The following CAPN8 variants were observed in gnomAD, a reference collection of about 807,000 sequenced individuals.
CAPN8 encodes calpain 8.
CAPN8 carries 87 observed loss-of-function variants against 80.9 expected under a neutral mutation model. The observed-to-expected ratio is 1.07, with a 90% CI of 0.90 to 1.28. The LOEUF (loss-of-function observed/expected upper bound fraction) is 1.28. CAPN8 is among the 50% of genes most tolerant of loss of function. CAPN8 has a pLI of 0.00. For synonymous variants in CAPN8, 299 were observed against 273.8 expected (o/e 1.09, Z -0.91); for missense variants, 757 against 702.0 (o/e 1.08, Z -0.89).
chr1:223,633,184 T>C (rs1657822248), intron 2 of CAPN8, among the ~76,000 whole-genome samples: 2 of 152,160 alleles, frequency 1.3e-5, no homozygotes, highest in Admixed American at 6.5e-5. Flanking sequence ...TTCTAACTGA[T>C]ATTAGAAGCA....
chr1:223,648,549 G>T (rs1658255362), intron 2 of CAPN8, among the ~76,000 whole-genome samples: 1 of 152,206 alleles, frequency 6.6e-6, no homozygotes, highest in Non-Finnish European at 1.5e-5. Context: ...GTGCATGCCA[G>T]GCCCCTGTTC....
intron 1 of CAPN8, among the ~76,000 whole-genome samples, chr1:223,665,063 G>A (rs534632821): frequency 3.3e-5 from 5 of 152,116 alleles, no homozygotes; most frequent in African/African-American, 1.2e-4. Context: ...AGACCAGCCT[G>A]ACCAACATGG....
At chr1:223,647,420 T>C (rs936754247) in intron 2 of CAPN8, among the ~76,000 whole-genome samples, 3 of 152,208 alleles carry the variant, frequency 2.0e-5, no homozygotes, top group African/African-American at 7.2e-5. Context: ...ATTTTTCCTC[T>C]ACCCACTTCT....
At chr1:223,628,255 C>T in intron 3 of CAPN8, 113 bp from the exon 4 acceptor site, 2 of 1,249,856 alleles carry the variant, frequency 1.6e-6, no homozygotes, top group South Asian at 1.6e-5. Flanking sequence ...AGTCTTGGCT[C>T]CTTAGGAGCA....
intron 1 of CAPN8, among the ~76,000 whole-genome samples, chr1:223,659,600 A>T (rs780786963): frequency 3.3e-5 from 5 of 152,180 alleles, no homozygotes; most frequent in Admixed American, 6.5e-5. Context: ...TCCGGTAATT[A>T]ACCTGCCCCA....
chr1:223,664,400 G>A (rs1658732340), intron 1 of CAPN8, among the ~76,000 whole-genome samples: 1 of 152,230 alleles, frequency 6.6e-6, no homozygotes, highest in African/African-American at 2.4e-5. Context: ...GGGACCATAT[G>A]CAGTAATAAC....
chr1:223,622,210 T>C (rs929012117), intron 7 of CAPN8, among the ~76,000 whole-genome samples: 1 of 152,158 alleles, frequency 6.6e-6, no homozygotes, highest in African/African-American at 2.4e-5. Context: ...TCCTGCATGA[T>C]GGGGACATGG....
Position 223,625,153 on chromosome 1 carries a change from G to A in CAPN8, c.813+652C>T, listed in dbSNP as rs913532853. The stretch of plus-strand genomic sequence containing the variant: ...CTAGTATAGCCCATGTTTTTTCCTC[G>A]GGTTGGAGAGTGAGGAATACTTACA... On this transcript the variant is annotated intron_variant, in intron 6 of 20. Coordinates refer to ENST00000366872, the MANE Select transcript of CAPN8 (RefSeq NM_001143962.2). Among the ~76,000 whole-genome samples the A allele has an allele frequency of 5.3e-5, 8 of 152,064 alleles. No homozygotes were observed. In the East Asian group the frequency reaches 1.4e-3, roughly 26 times the overall value.
At position 223,543,132 on chromosome 1, in the gene CAPN8, G is replaced by T. The variant is rs746218220; in HGVS notation, c.2064C>A (p.Gly688=). The change falls in exon 20 of 21, where the codon GGC becomes GGA. Residue 688 remains glycine (G), a synonymous_variant. Transcript: ENST00000366872. The stretch of plus-strand genomic sequence containing the variant: ...CCTCGGCCAGAGAGAGCTGAACCAT[G>T]CCATCCTTGTCTTCGTCCAGAAGGC... ...LFSLLDEDKD[G]MVQLSLAEWL... The T allele has an allele frequency of 2.6e-6, 4 of 1,551,690 alleles. No homozygotes were observed. The South Asian group carries it at 4.8e-5, about 18-fold the overall frequency.
chr1:223,661,559 G>A (rs889664137), intron 1 of CAPN8, among the ~76,000 whole-genome samples: 1 of 152,140 alleles, frequency 6.6e-6, no homozygotes, highest in Non-Finnish European at 1.5e-5. Flanking sequence ...GAACCCGAGG[G>A]GCAGAGGTTA....
At chr1:223,550,690 A>T (rs1218041310) in intron 15 of CAPN8, among the ~76,000 whole-genome samples, 1 of 152,114 alleles carries the variant, frequency 6.6e-6, no homozygotes, top group Non-Finnish European at 1.5e-5. Context: ...CTCAGCCTGC[A>T]ATTTCACTTG....
At chr1:223,649,753 A>G (rs745361292) in intron 2 of CAPN8, among the ~76,000 whole-genome samples, 1 of 152,210 alleles carries the variant, frequency 6.6e-6, no homozygotes, top group Non-Finnish European at 1.5e-5. Flanking sequence ...TTTAATAACG[A>G]TGATAGGCAG....
chr1:223,615,184 G>T (rs2102700372), intron 10 of CAPN8, among the ~76,000 whole-genome samples: 1 of 152,128 alleles, frequency 6.6e-6, no homozygotes, highest in South Asian at 2.1e-4. Flanking sequence ...GACAGCTCTT[G>T]GTCTTCCTGA....
At chr1:223,623,226 A>G (rs1182492833) in intron 6 of CAPN8, among the ~76,000 whole-genome samples, 3 of 152,238 alleles carry the variant, frequency 2.0e-5, no homozygotes, top group Non-Finnish European at 4.4e-5. Flanking sequence ...TAATGATAAT[A>G]AACGCCCTCC....
intron 2 of CAPN8, among the ~76,000 whole-genome samples, chr1:223,643,870 C>A (rs1214309818): frequency 6.6e-6 from 1 of 152,172 alleles, no homozygotes; most frequent in South Asian, 2.1e-4. Flanking sequence ...AACCTGCTTG[C>A]CGATCTAGTC....
chr1:223,609,638 G>A (rs1656984035), intron 11 of CAPN8, among the ~76,000 whole-genome samples: 1 of 152,056 alleles, frequency 6.6e-6, no homozygotes, highest in Non-Finnish European at 1.5e-5. Context: ...TGAGGGACAG[G>A]GTCTCTAGTG....
intron 2 of CAPN8, among the ~76,000 whole-genome samples, chr1:223,639,574 C>A (rs144578045): frequency 0.013 from 1,915 of 152,348 alleles, 33 homozygotes; most frequent in Non-Finnish European, 0.015. Context: ...ACCAGTCTTT[C>A]CACTGTAATC....
rs1435293330 is a variant in CAPN8, at chr1:223,545,257, G to A, written c.1807C>T (p.Leu603Phe). The change falls in exon 17 of 21, where the codon CTC becomes TTC. Residue 603 changes from leucine to phenylalanine, a missense_variant. Transcript: ENST00000366872. ...AGATACTTCTGAATCTTCAGCCAGA[G>A]CGTCTTGAATTCCACCGCCCCCAAA... Reference protein sequence around the residue: ...GTLGAVEFKTLWLKIQKYLEI... With the variant: ...GTLGAVEFKTFWLKIQKYLEI... 1.9e-6 allele frequency: 3 copies of A among 1,551,664 alleles called. No individual in the cohort carries two copies. Among genetic ancestry groups the A allele is most frequent in the East Asian group, 2.4e-5 (1 of 40,922 alleles).
At chr1:223,555,761 T>C (rs1485274128) in intron 13 of CAPN8, among the ~76,000 whole-genome samples, 4 of 152,188 alleles carry the variant, frequency 2.6e-5, no homozygotes, top group Admixed American at 1.3e-4. Flanking sequence ...GGAGTTATCA[T>C]TGGACACAAG....
Sources: gnomAD v4.1 joint callset for allele counts (sites outside exome capture counted in the v4.1 genomes callset) on GRCh38, gnomAD v4.1.1 for gene constraint, MANE v1.5 for transcripts, NCBI Gene and HGNC (gene_info 2026-07-23, HGNC 2026-07-21) for gene names.